RBM39: variants seen among roughly 807,000 people sequenced by gnomAD.
RBM39 encodes RNA-binding protein 39.
RBM39 carries 12 observed loss-of-function variants against 79.6 expected under a neutral mutation model. The observed-to-expected ratio is 0.15, with a 90% CI of 0.10 to 0.24. The LOEUF is 0.24. RBM39 is among the 10% of genes least tolerant of loss of function. The pLI is 1.00. For synonymous variants in RBM39, 185 were observed against 208.4 expected (o/e 0.89, Z 0.97); for missense variants, 243 against 653.4 (o/e 0.37, Z 6.85).
intron 12 of RBM39, chr20:35,710,285 G>A (rs1024843206): frequency 1.3e-5 from 2 of 152,130 alleles, no homozygotes; most frequent in Admixed American, 6.5e-5. Flanking sequence ...TAAAATACCT[G>A]GGTCCTAGGT....
At chr20:35,726,810 TG>T (rs2038752970) in intron 6 of RBM39, among the ~76,000 whole-genome samples, 1 of 152,064 alleles carries the variant, frequency 6.6e-6, no homozygotes, top group Non-Finnish European at 1.5e-5. Context: ...TCGCTCCACC[TG>T]TAAGATTTGT....
intron 6 of RBM39, among the ~76,000 whole-genome samples, chr20:35,726,052 T>TTAC (rs1462574810): frequency 6.6e-6 from 1 of 152,224 alleles, no homozygotes; most frequent in African/African-American, 2.4e-5. Context: ...AAACTAAGGT[T>TTAC]TACTGTTTCT....
intron 3 of RBM39, among the ~76,000 whole-genome samples, chr20:35,738,328 A>C (rs1312164308): frequency 6.6e-6 from 1 of 152,196 alleles, no homozygotes; most frequent in Non-Finnish European, 1.5e-5. Flanking sequence ...CTTTTCGTAC[A>C]CTGTTTTCTG....
intron 14 of RBM39, 120 bp from the exon 15 acceptor site, chr20:35,705,450 C>T (rs190678127): frequency 1.6e-6 from 1 of 623,818 alleles, no homozygotes; most frequent in Non-Finnish European, 2.6e-6. Flanking sequence ...AAAAAAAGCA[C>T]ATTGACAGAA....
intron 3 of RBM39, chr20:35,734,297 A>G (rs1384759757): frequency 1.8e-6 from 2 of 1,140,236 alleles, no homozygotes; most frequent in South Asian, 1.3e-5. Context: ...TCAGAAATGT[A>G]TATGCTAGGT....
chr20:35,723,170 A>T (rs926408865), intron 8 of RBM39, among the ~76,000 whole-genome samples: 58 of 151,592 alleles, frequency 3.8e-4, no homozygotes, highest in African/African-American at 1.3e-3. Flanking sequence ...ATAACATAAA[A>T]CTGTATCACC....
intron 4 of RBM39, among the ~76,000 whole-genome samples, chr20:35,730,654 GCAAA>G (rs2039265544): frequency 6.6e-6 from 1 of 152,030 alleles, no homozygotes; most frequent in East Asian, 1.9e-4. Flanking sequence ...CATGATCCCA[GCAAA>G]CAAAGTATCC....
At position 35,703,996 on chromosome 20, in the gene RBM39, G is replaced by C. The variant is rs1438868757; in HGVS notation, c.*485C>G. 3 of 152,922 alleles carry C rather than the reference G, an allele frequency of 2.0e-5. No individual in the cohort carries two copies. The highest frequency in any genetic ancestry group is 6.5e-5 in the Admixed American group (1 of 15,334). The allele number at this position is 152,922 out of a possible 1,614,324, so 9.5% of individuals were successfully genotyped here. A position where few individuals can be genotyped will look rare whatever the true frequency, so the allele number is the denominator to read the frequency against. On this transcript the variant is annotated 3_prime_UTR_variant, in exon 17 of 17. Transcript: ENST00000253363. ...TTGAAATCTCCCTTTCTTGCCAATTGATCAGAATGCAAGATGAGATGCTAA... is the reference window on the plus strand; with the variant it reads ...TTGAAATCTCCCTTTCTTGCCAATTCATCAGAATGCAAGATGAGATGCTAA...
At chr20:35,709,386 A>AT in intron 12 of RBM39, 112 bp from the exon 13 acceptor site, 2 of 862,260 alleles carry the variant, frequency 2.3e-6, no homozygotes, top group Non-Finnish European at 3.5e-6. Context: ...CACTTAGTAA[A>AT]ACCTGGCAGC....
At chr20:35,730,236 T>A (rs1055011866) in intron 4 of RBM39, among the ~76,000 whole-genome samples, 2 of 152,214 alleles carry the variant, frequency 1.3e-5, no homozygotes, top group Non-Finnish European at 2.9e-5. Context: ...TTCACAAAGA[T>A]CATAAAGGTA....
Position 35,742,010 on chromosome 20 carries a change from G to T in RBM39, c.-83C>A. The T allele has an allele frequency of 4.0e-6, 1 of 249,090 alleles. No homozygotes were observed. The highest frequency in any genetic ancestry group is 4.1e-5 in the South Asian group (1 of 24,682). 15.4% of individuals were successfully genotyped at this position (249,090 alleles called of 1,614,324 possible). ...GATTGCTGCTGCTGCTGCTGCTGCT[G>T]CCGCCGCCGCCGCTTCTGTTGCTAC... On this transcript the variant is annotated 5_prime_UTR_variant, in exon 1 of 17. Coordinates refer to ENST00000253363, the MANE Select transcript of RBM39 (RefSeq NM_184234.3).
At chr20:35,720,237 T>C (rs1459673099) in intron 9 of RBM39, among the ~76,000 whole-genome samples, 5 of 152,208 alleles carry the variant, frequency 3.3e-5, no homozygotes, top group African/African-American at 7.2e-5. Flanking sequence ...ACAGAACTAG[T>C]TGGACACTCT....
chr20:35,711,456 G>A (rs1384339420), intron 12 of RBM39, among the ~76,000 whole-genome samples: 3 of 152,144 alleles, frequency 2.0e-5, no homozygotes, highest in Non-Finnish European at 4.4e-5. Flanking sequence ...ATGGAATAAA[G>A]ATAACTTGAG....
In RBM39 at chr20:35,723,122, G is replaced by A. The variant is rs559321637; in HGVS notation, c.688-1245C>T. Among the ~76,000 whole-genome samples, 25 of 151,492 alleles carry A rather than the reference G, an allele frequency of 1.7e-4. No individual in the cohort carries two copies. In the South Asian group the frequency reaches 4.2e-3, roughly 25 times the overall value. Reference sequence around the variant, plus strand: ...AAATACTCTTGAGATTGGTATAACCGAACGTAGTTGTTTGTGATAAAATAA... The same window carrying A: ...AAATACTCTTGAGATTGGTATAACCAAACGTAGTTGTTTGTGATAAAATAA... On this transcript the variant is annotated intron_variant, in intron 8 of 16. Transcript: ENST00000253363.
chr20:35,705,587 C>G (rs1302385418), intron 14 of RBM39, among the ~76,000 whole-genome samples: 1 of 151,936 alleles, frequency 6.6e-6, no homozygotes, highest in Non-Finnish European at 1.5e-5. Flanking sequence ...CACCAGAGAT[C>G]AGGAGTTTGA....
At chr20:35,736,953 G>A (rs377640709) in intron 3 of RBM39, among the ~76,000 whole-genome samples, 1 of 149,968 alleles carries the variant, frequency 6.7e-6, no homozygotes, top group Non-Finnish European at 1.5e-5. Flanking sequence ...GCCAAGCCCA[G>A]ACTTTTTTTT....
At chr20:35,718,168 A>G (rs1178658988) in intron 9 of RBM39, among the ~76,000 whole-genome samples, 2 of 152,092 alleles carry the variant, frequency 1.3e-5, no homozygotes. Context: ...CCAAGGAACG[A>G]ACTTTTAATG....
Position 35,701,955 on chromosome 20 carries a change from C to T in RBM39, c.*2526G>A, listed in dbSNP as rs1043799542. The T allele has an allele frequency of 2.1e-5, 3 of 144,906 alleles. No homozygotes were observed. The highest frequency in any genetic ancestry group is 8.3e-5 in the African/African-American group (3 of 36,310). The allele number at this position is 144,906 out of a possible 1,614,324, so 9.0% of individuals were successfully genotyped here. ...CAGAAAAAGCAAAACAGTTCATCCA[C>T]TGTAAAAAAAAATAGAAACTTCTGT... On this transcript the variant is annotated 3_prime_UTR_variant, in exon 17 of 17. Coordinates refer to ENST00000253363, the MANE Select transcript of RBM39 (RefSeq NM_184234.3).
chr20:35,709,640 A>G (rs1278926481), intron 12 of RBM39, among the ~76,000 whole-genome samples: 1 of 152,168 alleles, frequency 6.6e-6, no homozygotes, highest in African/African-American at 2.4e-5. Flanking sequence ...TGGGAAATGC[A>G]AGTATTTATA....
Sources: allele counts gnomAD v4.1 joint callset (sites outside exome capture counted in the v4.1 genomes callset), GRCh38; gene constraint gnomAD v4.1.1; transcripts MANE v1.5; gene names NCBI Gene and HGNC (gene_info 2026-07-23, HGNC 2026-07-21).